The following MAP3K2 variants were observed in gnomAD, a reference collection of about 807,000 sequenced individuals.
MAP3K2 encodes the protein mitogen-activated protein kinase kinase kinase 2.
MAP3K2 carries 24 observed loss-of-function variants against 80.3 expected under a neutral mutation model. That is an observed-to-expected ratio of 0.30 (90% CI 0.22 to 0.42). The LOEUF (loss-of-function observed/expected upper bound fraction) is 0.42, where lower values mean the gene tolerates loss of function less well. Among genes scored for constraint, MAP3K2 ranks in the 10% least tolerant of loss-of-function variants. The probability of loss-of-function intolerance (pLI) is 1.00; values close to 1 mark genes in which losing one functional copy is unlikely to be tolerated. For missense variants in MAP3K2, 608 were observed against 750.1 expected (o/e 0.81, Z 2.21); for synonymous variants, 244 against 253.7 (o/e 0.96, Z 0.36).
rs772059313 is a variant in MAP3K2 at position 127,318,304 on chromosome 2, C to T, written c.1059G>A (p.Pro353=). The change falls in exon 13 of 17, where the codon CCG becomes CCA. Residue 353 remains proline, a synonymous_variant. Coordinates refer to ENST00000682094, the MANE Select transcript of MAP3K2 (RefSeq NM_001371910.2). ...GCAGTTTGCCCAATCTCCAGTTGGT[C>T]GGAGCTCGAGGTGCTGAAAAAGAAC... ...ISPPSRSPRA[P]TNWRLGKLLG... 1.1e-5 allele frequency: 17 copies of T among 1,593,240 alleles called. No individual in the cohort carries two copies. Among genetic ancestry groups the T allele is most frequent in the South Asian group, 3.5e-5 (3 of 86,380 alleles).
At position 127,317,623 on chromosome 2, in the gene MAP3K2, A is replaced by T. The variant is rs1685931821; in HGVS notation, c.1326+6T>A. The T allele has an allele frequency of 6.4e-7, 1 of 1,552,528 alleles. No individual in the cohort carries two copies. Among genetic ancestry groups the T allele is most frequent in the East Asian group, 2.4e-5 (1 of 42,408 alleles). On this transcript the variant is annotated splice_donor_region_variant and intron_variant, in intron 14 of 16. Transcript: ENST00000682094. Reference sequence around the variant, plus strand: ...TGTGTATTTTCAAAAAGATGTACTAACTTACCCCTGGCATATATTCCATAA... The same window carrying T: ...TGTGTATTTTCAAAAAGATGTACTATCTTACCCCTGGCATATATTCCATAA...
At chr2:127,338,295 C>T (rs970399926) in intron 3 of MAP3K2, among the ~76,000 whole-genome samples, 2 of 152,104 alleles carry the variant, frequency 1.3e-5, no homozygotes, top group Non-Finnish European at 2.9e-5. Flanking sequence ...ACGTTGGCTG[C>T]AGAATGCTAC....
rs1296082254 is a variant in MAP3K2, at chr2:127,299,412, C to T, written c.*8167G>A. The T allele has an allele frequency of 6.6e-6, 1 of 152,088 alleles. No individual in the cohort carries two copies. The highest frequency in any genetic ancestry group is 1.5e-5 in the Non-Finnish European group (1 of 67,986). 9.4% of individuals were successfully genotyped at this position (152,088 alleles called of 1,614,324 possible). On this transcript the variant is annotated 3_prime_UTR_variant, in exon 17 of 17. Coordinates refer to ENST00000682094, the MANE Select transcript of MAP3K2 (RefSeq NM_001371910.2). ...TATTGTTTTATAAACCCAGTCTGAC[C>T]TTGCCCAGTGATAGAAAAACTAAAA...
intron 1 of MAP3K2, among the ~76,000 whole-genome samples, chr2:127,377,194 C>A (rs1316249694): frequency 6.6e-6 from 1 of 152,038 alleles, no homozygotes. Context: ...AAAATGAACC[C>A]ACTTCCCATA....
At chr2:127,349,299 T>C (rs1286314458) in intron 1 of MAP3K2, among the ~76,000 whole-genome samples, 2 of 152,126 alleles carry the variant, frequency 1.3e-5, no homozygotes, top group Non-Finnish European at 2.9e-5. Flanking sequence ...TAGCTGGGAC[T>C]ACAGGTACGC....
chr2:127,343,197 G>A lies in MAP3K2; in HGVS notation c.-65-3C>T. On this transcript the variant is annotated splice_polypyrimidine_tract_variant and splice_region_variant and intron_variant, in intron 1 of 16. Coordinates refer to ENST00000682094, the MANE Select transcript of MAP3K2 (RefSeq NM_001371910.2). ...CTCCCATCAGCATTCTTTATGGCCT[G>A]AGAAGATAAAACAGATCAGCATATT... 1 of 1,247,586 alleles carries A rather than the reference G, an allele frequency of 8.0e-7. No individual in the cohort carries two copies. The highest frequency in any genetic ancestry group is 1.1e-6 in the Non-Finnish European group (1 of 880,012). 77.3% of individuals were successfully genotyped at this position (1,247,586 alleles called of 1,614,324 possible). A position where few individuals can be genotyped will look rare whatever the true frequency, so the allele number is the denominator to read the frequency against.
chr2:127,341,175 G>A (rs1324853820), intron 2 of MAP3K2, among the ~76,000 whole-genome samples: 2 of 151,922 alleles, frequency 1.3e-5, no homozygotes, highest in East Asian at 3.9e-4. Flanking sequence ...ATTTTTAGTA[G>A]AGATGGGGTT....
intron 16 of MAP3K2, 102 bp downstream of exon 16, chr2:127,308,483 G>T: frequency 1.9e-6 from 2 of 1,030,324 alleles, no homozygotes; most frequent in Non-Finnish European, 2.8e-6. Flanking sequence ...GTCCTATTTT[G>T]GAAGTACAAA....
At chr2:127,340,989 G>A (rs977230570) in intron 2 of MAP3K2, among the ~76,000 whole-genome samples, 1 of 151,810 alleles carries the variant, frequency 6.6e-6, no homozygotes, top group Non-Finnish European at 1.5e-5. Flanking sequence ...CTTTTTGGGG[G>A]GGACGGGGGA....
intron 1 of MAP3K2, among the ~76,000 whole-genome samples, chr2:127,369,841 T>C (rs938749221): frequency 1.3e-5 from 2 of 152,188 alleles, no homozygotes; most frequent in African/African-American, 4.8e-5. Context: ...TATGGTCTCT[T>C]TTCTCTCTTA....
chr2:127,352,570 G>A (rs1289574586), intron 1 of MAP3K2, among the ~76,000 whole-genome samples: 1 of 152,142 alleles, frequency 6.6e-6, no homozygotes, highest in African/African-American at 2.4e-5. Context: ...AATCTAGACA[G>A]AGCTAAGCTT....
intron 1 of MAP3K2, among the ~76,000 whole-genome samples, chr2:127,383,678 C>A (rs538438278): frequency 6.6e-6 from 1 of 152,222 alleles, no homozygotes; most frequent in East Asian, 1.9e-4. Context: ...AGAAATACAG[C>A]CAGGACAGTG....
chr2:127,357,112 G>A (rs933140083), intron 1 of MAP3K2, among the ~76,000 whole-genome samples: 4 of 152,194 alleles, frequency 2.6e-5, no homozygotes, highest in East Asian at 1.9e-4. Context: ...ACAAAAGAAC[G>A]GCAAGATCTT....
chr2:127,350,454 CAAAA>C (rs752516255), intron 1 of MAP3K2, among the ~76,000 whole-genome samples: 1 of 99,422 alleles, frequency 1.0e-5, no homozygotes, highest in Non-Finnish European at 2.0e-5. Flanking sequence ...AAAACAAAAA[CAAAA>C]AAAAAAAAAA....
Position 127,301,703 on chromosome 2 carries a change from A to G in MAP3K2, c.*5876T>C. 6.6e-6 allele frequency: 1 copy of G among 152,238 alleles called. No homozygotes were observed. Among genetic ancestry groups the G allele is most frequent in the South Asian group, 2.1e-4 (1 of 4,832 alleles). 9.4% of individuals were successfully genotyped at this position (152,238 alleles called of 1,614,324 possible). A position where few individuals can be genotyped will look rare whatever the true frequency, so the allele number is the denominator to read the frequency against. The stretch of plus-strand genomic sequence containing the variant: ...ACCATATGACTATCAATTAAAATGC[A>G]CAATTATGAAAAATAAGAATTCTAT... On this transcript the variant is annotated 3_prime_UTR_variant, in exon 17 of 17. Coordinates refer to ENST00000682094, the MANE Select transcript of MAP3K2 (RefSeq NM_001371910.2).
chr2:127,369,358 C>T (rs1457818435), intron 1 of MAP3K2, among the ~76,000 whole-genome samples: 1 of 146,630 alleles, frequency 6.8e-6, no homozygotes, highest in Non-Finnish European at 1.5e-5. Context: ...ATAGGCTGGG[C>T]GCGGTGGCTC....
In MAP3K2 at chr2:127,338,935, T is replaced by C. The variant is rs774945204; in HGVS notation, c.120A>G (p.Lys40=). 4 of 1,586,136 alleles carry C rather than the reference T, an allele frequency of 2.5e-6. No individual in the cohort carries two copies. Among genetic ancestry groups the C allele is most frequent in the Non-Finnish European group, 3.4e-6 (4 of 1,162,126 alleles). The part of the protein sequence containing the change: ...TRKAKSSSPK[K]QNDVRVKFEH... Reference sequence around the variant, plus strand: ...AAATACTTATTAAAATAAATACCTGTTTTTTTGGTGATGAAGATTTTGCTT... The same window carrying C: ...AAATACTTATTAAAATAAATACCTGCTTTTTTGGTGATGAAGATTTTGCTT... Residue 40 remains lysine, a synonymous_variant, in exon 3 of 17, where the codon AAA becomes AAG. Transcript: ENST00000682094.
intron 5 of MAP3K2, 41 bp from the exon 6 acceptor site, chr2:127,330,546 G>T: frequency 1.0e-6 from 1 of 967,278 alleles, no homozygotes; most frequent in Non-Finnish European, 1.6e-6. Flanking sequence ...ATCTCACCAG[G>T]TCAAGTTCTT....
intron 1 of MAP3K2, among the ~76,000 whole-genome samples, chr2:127,366,227 T>C (rs1284705914): frequency 6.6e-6 from 1 of 152,084 alleles, no homozygotes; most frequent in Non-Finnish European, 1.5e-5. Flanking sequence ...TACCAATTTA[T>C]TAACTAAGAA....
Sources: gnomAD v4.1 joint callset for allele counts (sites outside exome capture counted in the v4.1 genomes callset) on GRCh38, gnomAD v4.1.1 for gene constraint, MANE v1.5 for transcripts, NCBI Gene and HGNC (gene_info 2026-07-23, HGNC 2026-07-21) for gene names.